Variants in JAKMIP2 observed in about 807,000 individuals in gnomAD.
JAKMIP2 encodes janus kinase and microtubule interacting protein 2.
A neutral mutation model predicts 115.0 loss-of-function variants in JAKMIP2; 25 were observed. The ratio of observed to expected loss-of-function variants is 0.22; its 90% CI spans 0.16 to 0.30. The LOEUF (loss-of-function observed/expected upper bound fraction) is 0.30. Among genes scored for constraint, JAKMIP2 ranks in the 10% least tolerant of loss-of-function variants. The pLI is 1.00. For synonymous variants in JAKMIP2, 334 were observed against 343.6 expected, an observed-to-expected ratio of 0.97 and a Z score of 0.31; for missense variants, 642 against 957.6, an observed-to-expected ratio of 0.67 and a Z score of 4.35.
intron 1 of JAKMIP2, among the ~76,000 whole-genome samples, chr5:147,677,147 G>A (rs906882067): frequency 6.6e-6 from 1 of 152,258 alleles, no homozygotes; most frequent in South Asian, 2.1e-4. Context: ...TTCAAATGGG[G>A]TTTGGAGGGA....
chr5:147,686,160 G>A (rs1220223251), intron 1 of JAKMIP2, among the ~76,000 whole-genome samples: 2 of 152,158 alleles, frequency 1.3e-5, no homozygotes, highest in African/African-American at 4.8e-5. Flanking sequence ...CAGAGAACCA[G>A]CCATTAGTCA....
chr5:147,598,425 C>CATCCATCT (rs1554123559), intron 21 of JAKMIP2, among the ~76,000 whole-genome samples: 1 of 148,340 alleles, frequency 6.7e-6, no homozygotes, highest in Admixed American at 6.8e-5. Flanking sequence ...CTCTCATTTT[C>CATCCATCT]ATCTATCTAT....
chr5:147,698,007 G>A (rs573314485), intron 1 of JAKMIP2, among the ~76,000 whole-genome samples: 129 of 152,290 alleles, frequency 8.5e-4, no homozygotes, highest in South Asian at 4.3e-3. Flanking sequence ...TGGAAAAGCC[G>A]CAGACACTCA....
intron 1 of JAKMIP2, among the ~76,000 whole-genome samples, chr5:147,763,483 T>C (rs1755005885): frequency 6.6e-6 from 1 of 152,148 alleles, no homozygotes; most frequent in African/African-American, 2.4e-5. Flanking sequence ...CTGCTGTCTC[T>C]TGTTGGGGTC....
intron 1 of JAKMIP2, 141 bp from the exon 2 acceptor site, chr5:147,672,095 G>A (rs774139402): frequency 9.2e-5 from 33 of 357,602 alleles, no homozygotes; most frequent in African/African-American, 1.3e-4. Context: ...CCACTTGTAC[G>A]TGAGTTTAGA....
At chr5:147,730,306 C>G (rs1037263854) in intron 1 of JAKMIP2, among the ~76,000 whole-genome samples, 1 of 152,164 alleles carries the variant, frequency 6.6e-6, no homozygotes, top group African/African-American at 2.4e-5. Context: ...TGTGTATGTC[C>G]TTGTAAAATT....
intron 15 of JAKMIP2, 100 bp from the exon 16 acceptor site, chr5:147,628,916 C>A: frequency 1.3e-6 from 1 of 758,240 alleles, no homozygotes; most frequent in South Asian, 1.7e-5. Context: ...CTGTATAAGC[C>A]TGTATAGAAA....
chr5:147,749,515 C>A (rs1038055885), intron 1 of JAKMIP2, among the ~76,000 whole-genome samples: 1 of 152,162 alleles, frequency 6.6e-6, no homozygotes, highest in Non-Finnish European at 1.5e-5. Flanking sequence ...TCTTCCAGTT[C>A]TCTTAGTGGT....
intron 1 of JAKMIP2, among the ~76,000 whole-genome samples, chr5:147,759,722 T>C (rs1021035524): frequency 6.6e-6 from 1 of 152,008 alleles, no homozygotes; most frequent in African/African-American, 2.4e-5. Flanking sequence ...TCAAGAAAAG[T>C]GTGTCTGATT....
chr5:147,774,107 C>A (rs1023541320), intron 1 of JAKMIP2, among the ~76,000 whole-genome samples: 1 of 152,026 alleles, frequency 6.6e-6, no homozygotes, highest in Non-Finnish European at 1.5e-5. Flanking sequence ...ATAATATATT[C>A]TCTAAAATAC....
chr5:147,687,006 G>A (rs1035723358), intron 1 of JAKMIP2, among the ~76,000 whole-genome samples: 26 of 151,956 alleles, frequency 1.7e-4, no homozygotes, highest in Non-Finnish European at 2.9e-5. Context: ...GGGAGCCATT[G>A]TTTTCTTTTT....
intron 1 of JAKMIP2, among the ~76,000 whole-genome samples, chr5:147,674,049 T>C (rs1412292602): frequency 1.3e-5 from 2 of 152,138 alleles, no homozygotes; most frequent in Non-Finnish European, 2.9e-5. Context: ...ACTTTACTTA[T>C]CAAATCCACT....
chr5:147,764,564 A>C (rs1755044502), intron 1 of JAKMIP2, among the ~76,000 whole-genome samples: 1 of 151,998 alleles, frequency 6.6e-6, no homozygotes, highest in Non-Finnish European at 1.5e-5. Flanking sequence ...AGATTTAAAA[A>C]GCTTTTCAAG....
intron 1 of JAKMIP2, among the ~76,000 whole-genome samples, chr5:147,682,050 A>AAAAAAAAAAG (rs71001451): frequency 2.6e-4 from 39 of 148,986 alleles, no homozygotes; most frequent in African/African-American, 9.0e-4. Context: ...AAAAAAAAAA[A>AAAAAAAAAAG]AAAGAAAGAA....
chr5:147,708,941 C>G (rs1436059522), intron 1 of JAKMIP2, among the ~76,000 whole-genome samples: 2 of 152,164 alleles, frequency 1.3e-5, no homozygotes, highest in Non-Finnish European at 2.9e-5. Context: ...AGTGACTCTC[C>G]TAAAGTAAAC....
intron 1 of JAKMIP2, among the ~76,000 whole-genome samples, chr5:147,738,238 C>T (rs1271650134): frequency 6.6e-6 from 1 of 151,976 alleles, no homozygotes; most frequent in African/African-American, 2.4e-5. Flanking sequence ...TAGTAAAATG[C>T]ACAAATACTA....
At chr5:147,698,871 T>C (rs74434255) in intron 1 of JAKMIP2, among the ~76,000 whole-genome samples, 1,927 of 152,236 alleles carry the variant, frequency 0.013, 52 homozygotes, top group African/African-American at 0.045. Context: ...TGGAAAGTGG[T>C]TGTACAAAAA....
chr5:147,780,249 T>G (rs1755709161), intron 1 of JAKMIP2, among the ~76,000 whole-genome samples: 2 of 152,148 alleles, frequency 1.3e-5, no homozygotes, highest in African/African-American at 4.8e-5. Flanking sequence ...ATCAGGGTAA[T>G]AGCTGACACA....
At chr5:147,695,899 AT>A (rs1752087003) in intron 1 of JAKMIP2, among the ~76,000 whole-genome samples, 1 of 152,160 alleles carries the variant, frequency 6.6e-6, no homozygotes, top group Admixed American at 6.6e-5. Flanking sequence ...GTTCTATTAT[AT>A]TATACATTTT....
Sources: allele counts gnomAD v4.1 joint callset (sites outside exome capture counted in the v4.1 genomes callset), GRCh38; gene constraint gnomAD v4.1.1; transcripts MANE v1.5; gene names NCBI Gene and HGNC (gene_info 2026-07-23, HGNC 2026-07-21).